Variants in PPP2R5B observed in about 807,000 individuals in gnomAD.
PPP2R5B encodes protein phosphatase 2 regulatory subunit B'beta.
PPP2R5B carries 19 observed loss-of-function variants against 59.9 expected under a neutral mutation model. The observed-to-expected ratio is 0.32, with a 90% CI of 0.22 to 0.47. The LOEUF (loss-of-function observed/expected upper bound fraction) is 0.47, where lower values mean the gene tolerates loss of function less well. PPP2R5B is among the 20% of genes least tolerant of loss of function. PPP2R5B has a pLI of 1.00. For synonymous variants in PPP2R5B, 286 were observed against 260.5 expected, an observed-to-expected ratio of 1.10 and a Z score of -0.94; for missense variants, 441 against 640.2, an observed-to-expected ratio of 0.69 and a Z score of 3.36.
chr11:64,931,334 C>T lies in PPP2R5B; in HGVS notation c.892-102C>T, dbSNP rs985313463. On this transcript the variant is annotated intron_variant, in intron 8 of 13. Coordinates refer to ENST00000164133, the MANE Select transcript of PPP2R5B (RefSeq NM_006244.4). This position sits in a 1 kb window ranked among gnomAD's most constrained non-coding sequence, Gnocchi z 5.0. ...CTTGGTGAATAAGAAAGTAACAGGC[C>T]GTGGGTGAGCAGTATTTGGCATTCT... 114 of 1,269,294 alleles carry T rather than the reference C, an allele frequency of 9.0e-5. No homozygotes were observed. The African/African-American group carries it at 1.3e-3, about 15-fold the overall frequency. The allele number at this position is 1,269,294 out of a possible 1,614,324, so 78.6% of individuals were successfully genotyped here.
At chr11:64,930,434 G>A (rs777785603) in intron 7 of PPP2R5B, 47 bp from the exon 8 acceptor site, 1 of 1,613,638 alleles carries the variant, frequency 6.2e-7, no homozygotes, top group East Asian at 2.2e-5. Context: ...GGAGGGACTG[G>A]GGCCAGGTCA....
At position 64,925,624 on chromosome 11, in the gene PPP2R5B, C is replaced by CCCCA; in HGVS notation, c.-111_-110insCCCA. 4 of 563,436 alleles carry CCCCA rather than the reference C, an allele frequency of 7.1e-6. No homozygotes were observed. Among genetic ancestry groups the CCCCA allele is most frequent in the South Asian group, 4.1e-5 (2 of 48,874 alleles). 34.9% of individuals were successfully genotyped at this position (563,436 alleles called of 1,614,324 possible). ...CAGGACTGTGGTTGTGCCCCCCCCC[C>CCCCA]AAAGGCCGGACAGGATGGGACCAAG... On this transcript the variant is annotated 5_prime_UTR_variant, in exon 2 of 14. Transcript: ENST00000164133. This position sits in a 1 kb window ranked among gnomAD's most constrained non-coding sequence, Gnocchi z 4.6.
In PPP2R5B at chr11:64,927,831, G is replaced by T. The variant is rs139405284; in HGVS notation, c.426G>T (p.Pro142=). The change falls in exon 4 of 14, where the codon CCG becomes CCT. Residue 142 remains proline, a synonymous_variant. Transcript: ENST00000164133. ...MISVNIFRTL[P]PSENPEFDPE... ...CAGTGAATATCTTCCGGACTCTGCC[G>T]CCCAGTGAGAACCCTGAATTTGACC... The T allele has an allele frequency of 6.2e-7, 1 of 1,611,968 alleles. No homozygotes were observed. The highest frequency in any genetic ancestry group is 1.1e-5 in the South Asian group (1 of 91,018).
At chr11:64,930,174 T>C (rs1945213111) in intron 6 of PPP2R5B, 148 bp from the exon 7 acceptor site, 1 of 839,394 alleles carries the variant, frequency 1.2e-6, no homozygotes, top group African/African-American at 1.7e-5. Flanking sequence ...GGGGCCTGGT[T>C]TGGGATGTTG....
intron 11 of PPP2R5B, among the ~76,000 whole-genome samples, 181 bp downstream of exon 11, chr11:64,932,049 A>G (rs1945232774): frequency 6.6e-6 from 1 of 152,200 alleles, no homozygotes; most frequent in Admixed American, 6.5e-5. Flanking sequence ...CCACTGGCTG[A>G]GGGGCCTTGA....
Position 64,933,264 on chromosome 11 carries a change from G to C in PPP2R5B, c.1346+18G>C, listed in dbSNP as rs532841207. The C allele has an allele frequency of 1.1e-4, 177 of 1,577,058 alleles. No individual in the cohort carries two copies. In the East Asian group the frequency reaches 3.7e-3, roughly 33 times the overall value. On this transcript the variant is annotated intron_variant, in intron 13 of 13. Coordinates refer to ENST00000164133, the MANE Select transcript of PPP2R5B (RefSeq NM_006244.4). Reference sequence around the variant, plus strand: ...AAGCAGCAGTGAGTGTTGGGGGCTGGGCGTGGGGGAAGGGAGAAGAGCAGG... The same window carrying C: ...AAGCAGCAGTGAGTGTTGGGGGCTGCGCGTGGGGGAAGGGAGAAGAGCAGG...
At position 64,933,229 on chromosome 11, in the gene PPP2R5B, C is replaced by A. The variant is rs1281301325; in HGVS notation, c.1329C>A (p.Tyr443Ter). 1 of 1,610,664 alleles carries A rather than the reference C, an allele frequency of 6.2e-7. No individual in the cohort carries two copies. Among genetic ancestry groups the A allele is most frequent in the Admixed American group, 1.7e-5 (1 of 60,000 alleles). Residue 443 changes from tyrosine to a stop codon, truncating the protein, a stop_gained, in exon 13 of 14, where the codon TAC becomes TAA. Transcript: ENST00000164133. LOFTEE classifies it high-confidence loss of function. ...TGTTTGATGAGCTCACAGCCTCCTA[C>A]AAGCTGGAAAAGCAGCAGTGAGTGT... ...GKLFDELTAS[Y>*]KLEKQQEQQK...
At chr11:64,933,534 C>G (rs1276537658) in intron 13 of PPP2R5B, among the ~76,000 whole-genome samples, 163 bp from the exon 14 acceptor site, 1 of 152,244 alleles carries the variant, frequency 6.6e-6, no homozygotes, top group Non-Finnish European at 1.5e-5. Context: ...TGTCTGTCCT[C>G]TGCTCTCTTC....
In PPP2R5B at chr11:64,931,900, G is replaced by T; in HGVS notation, c.1116+32G>T. The stretch of plus-strand genomic sequence containing the variant: ...GGCAGGACAGGCGGGGATGGGAGCA[G>T]GGCTGGCCTGGAAAGGTTGGGTAGC... On this transcript the variant is annotated intron_variant, in intron 11 of 13. Coordinates refer to ENST00000164133, the MANE Select transcript of PPP2R5B (RefSeq NM_006244.4). The surrounding 1 kb of genome is among the most constrained non-coding windows in gnomAD (Gnocchi z 5.0). 6.2e-7 allele frequency: 1 copy of T among 1,607,292 alleles called. No homozygotes were observed. The highest frequency in any genetic ancestry group is 8.5e-7 in the Non-Finnish European group (1 of 1,177,010).
chr11:64,925,894 A>G lies in PPP2R5B; in HGVS notation c.160A>G (p.Ser54Gly), dbSNP rs770466967. The G allele has an allele frequency of 8.7e-6, 14 of 1,612,000 alleles. No individual in the cohort carries two copies. Among genetic ancestry groups the G allele is most frequent in the Non-Finnish European group, 1.2e-5 (14 of 1,179,888 alleles). ...CAGCTCCTCTCAGTTCCGCTATCAG[A>G]GCAACCAGCAAGAGCTCACACCGCT... ...SHSSSQFRYQ[S>G]NQQELTPLPL... Residue 54 changes from serine (S) to glycine (G), a missense_variant, in exon 2 of 14, where the codon AGC becomes GGC. Transcript: ENST00000164133. The surrounding 1 kb of genome is among the most constrained non-coding windows in gnomAD (Gnocchi z 4.6).
At chr11:64,929,520 G>A (rs913632041) in intron 6 of PPP2R5B, among the ~76,000 whole-genome samples, 7 of 152,218 alleles carry the variant, frequency 4.6e-5, no homozygotes, top group African/African-American at 1.4e-4. Flanking sequence ...GAGATCAGGA[G>A]TTCAAGATCA....
chr11:64,933,758 C>T lies in PPP2R5B; in HGVS notation c.1408C>T (p.Arg470Cys), dbSNP rs137914776. Residue 470 changes from arginine to cysteine, a missense_variant, in exon 14 of 14, where the codon CGC becomes TGC. By Grantham distance (180) the Arg-to-Cys change is radical. This residue lies in a region of PPP2R5B where 70 missense variants were observed against 64.2 expected (regional missense o/e 1.09). Coordinates refer to ENST00000164133, the MANE Select transcript of PPP2R5B (RefSeq NM_006244.4). ...LWQGLEELRL[R>C]RLQGTQGAKE... ...GCAAGGTCTGGAGGAGCTGCGGCTA[C>T]GCCGGCTACAGGGGACCCAGGGGGC... 52 of 1,556,242 alleles carry T rather than the reference C, an allele frequency of 3.3e-5. No individual in the cohort carries two copies. Among genetic ancestry groups the T allele is most frequent in the Middle Eastern group, 1.7e-4 (1 of 6,002 alleles).
chr11:64,918,243 ATATT>A (rs1945062796), intron 1 of PPP2R5B: 1 of 152,230 alleles, frequency 6.6e-6, no homozygotes, highest in Non-Finnish European at 1.5e-5. Context: ...AAAGCCTAAA[ATATT>A]TATTTTCTGG....
chr11:64,928,504 C>T (rs1159586430), intron 6 of PPP2R5B, 79 bp downstream of exon 6: 36 of 1,590,046 alleles, frequency 2.3e-5, no homozygotes, highest in African/African-American at 9.4e-5. Flanking sequence ...AGGCCATGTG[C>T]GGTGGCTCAC....
Position 64,926,825 on chromosome 11 carries a change from G to A in PPP2R5B, c.313G>A (p.Ala105Thr). ...CCTCAAGGGGAAGGAGGTGAAGCGGGCAGCCCTCAACGAGCTGGTGGAGTG... is the reference window on the plus strand; with the variant it reads ...CCTCAAGGGGAAGGAGGTGAAGCGGACAGCCCTCAACGAGCTGGTGGAGTG... The part of the protein sequence containing the change: ...ADLKGKEVKR[A>T]ALNELVECVG... The change falls in exon 3 of 14, where the codon GCA becomes ACA. Residue 105 changes from alanine to threonine, a missense_variant. Ala to Thr is a moderately conservative substitution (Grantham distance 58). This residue lies in a region of PPP2R5B where 268 missense variants were observed against 488.1 expected (regional missense o/e 0.55). Transcript: ENST00000164133. 1 of 1,614,218 alleles carries A rather than the reference G, an allele frequency of 6.2e-7. No homozygotes were observed. The highest frequency in any genetic ancestry group is 8.5e-7 in the Non-Finnish European group (1 of 1,180,026).
At chr11:64,926,313 G>C (rs1301832125) in intron 2 of PPP2R5B, among the ~76,000 whole-genome samples, 1 of 152,206 alleles carries the variant, frequency 6.6e-6, no homozygotes. Context: ...TGGGCCATAG[G>C]GCCAGACTGG....
At chr11:64,926,611 G>T (rs758819471) in intron 2 of PPP2R5B, 101 bp from the exon 3 acceptor site, 131 of 1,295,450 alleles carry the variant, frequency 1.0e-4, no homozygotes, top group Non-Finnish European at 1.3e-4. Context: ...GGGCCTGGGG[G>T]CAGCAGAGGC....
In PPP2R5B at chr11:64,930,628, A is replaced by T. The variant is rs920680846; in HGVS notation, c.891+39A>T. Reference sequence around the variant, plus strand: ...CTGTCCCTGCTGCAGCAGGAGCTCCAGACAGTCAGGGCAGCCAGTGGGTCC... The same window carrying T: ...CTGTCCCTGCTGCAGCAGGAGCTCCTGACAGTCAGGGCAGCCAGTGGGTCC... On this transcript the variant is annotated intron_variant, in intron 8 of 13. Coordinates refer to ENST00000164133, the MANE Select transcript of PPP2R5B (RefSeq NM_006244.4). 3.1e-5 allele frequency: 48 copies of T among 1,567,912 alleles called. 1 individual carries two copies. Among genetic ancestry groups the T allele is most frequent in the Non-Finnish European group, 4.2e-5 (48 of 1,138,448 alleles).
In PPP2R5B at chr11:64,925,195, G is replaced by A. The variant is rs1288935725; in HGVS notation, c.-265+167G>A. On this transcript the variant is annotated intron_variant, in intron 1 of 13. Transcript: ENST00000164133. The surrounding 1 kb of genome is among the most constrained non-coding windows in gnomAD (Gnocchi z 4.6). ...AGCAGCGATGCGTTCCATTCTGAAA[G>A]GGGCAGGGATGACGATCGGGGCTCC... Among the ~76,000 whole-genome samples, 1 of 152,194 alleles carries A rather than the reference G, an allele frequency of 6.6e-6. No individual in the cohort carries two copies. Among genetic ancestry groups the A allele is most frequent in the African/African-American group, 2.4e-5 (1 of 41,440 alleles).
Sources: allele counts gnomAD v4.1 joint callset (sites outside exome capture counted in the v4.1 genomes callset), GRCh38; gene constraint gnomAD v4.1.1; regional missense constraint gnomAD v4.1.1; non-coding constraint Gnocchi (gnomAD v3.1); transcripts MANE v1.5; gene names NCBI Gene and HGNC (gene_info 2026-07-23, HGNC 2026-07-21).